CTNNA2: variants seen among roughly 807,000 people sequenced by gnomAD.
CTNNA2 encodes the protein catenin alpha-2.
In CTNNA2, 42 loss-of-function variants were observed where a neutral mutation model predicts 101.0. The ratio of observed to expected loss-of-function variants is 0.42; its 90% CI spans 0.32 to 0.54. The LOEUF is 0.54. Among genes scored for constraint, CTNNA2 ranks in the 20% least tolerant of loss-of-function variants. The probability of loss-of-function intolerance (pLI) is 0.14; values close to 1 mark genes in which losing one functional copy is unlikely to be tolerated. For missense variants in CTNNA2, 871 were observed against 1,223.1 expected, an observed-to-expected ratio of 0.71 and a Z score of 4.29; for synonymous variants, 450 against 456.4, an observed-to-expected ratio of 0.99 and a Z score of 0.18.
At chr2:79,715,759 TTGGACCGTCAGGA>T (rs1558866160) in intron 2 of CTNNA2, among the ~76,000 whole-genome samples, 2 of 152,118 alleles carry the variant, frequency 1.3e-5, no homozygotes, top group Non-Finnish European at 2.9e-5. Context: ...TATGGAGCCA[TTGGACCGTCAGGA>T]CCCATTGCTA....
At chr2:79,682,909 G>C (rs1683681726) in intron 2 of CTNNA2, among the ~76,000 whole-genome samples, 1 of 152,054 alleles carries the variant, frequency 6.6e-6, no homozygotes, top group African/African-American at 2.4e-5. Flanking sequence ...TTTCCTACTT[G>C]CAAAAATACA....
intron 4 of CTNNA2, among the ~76,000 whole-genome samples, chr2:79,472,421 C>T (rs919405770): frequency 1.3e-5 from 2 of 152,198 alleles, no homozygotes; most frequent in African/African-American, 2.4e-5. Context: ...AATGGTCCCA[C>T]CTTTCAAAAC....
chr2:79,361,764 G>A (rs1401055439), intron 3 of CTNNA2, among the ~76,000 whole-genome samples: 3 of 152,174 alleles, frequency 2.0e-5, no homozygotes, highest in African/African-American at 7.2e-5. Context: ...GGAGTCAGAT[G>A]TTCAAGGGCA....
At chr2:79,453,493 T>C (rs886623635) in intron 4 of CTNNA2, among the ~76,000 whole-genome samples, 11 of 152,120 alleles carry the variant, frequency 7.2e-5, no homozygotes, top group African/African-American at 2.7e-4. Context: ...GTGAATCCTC[T>C]GTAGTAGTAT....
intron 7 of CTNNA2, among the ~76,000 whole-genome samples, chr2:79,978,960 A>G (rs537528108): frequency 6.6e-6 from 1 of 152,302 alleles, no homozygotes; most frequent in African/African-American, 2.4e-5. Flanking sequence ...CATTTGCTCA[A>G]TGTCAAGACT....
intron 7 of CTNNA2, among the ~76,000 whole-genome samples, chr2:80,056,339 A>T (rs1387349325): frequency 1.3e-5 from 2 of 152,170 alleles, no homozygotes; most frequent in Non-Finnish European, 2.9e-5. Context: ...CACCAACCTA[A>T]TATTTAGCTG....
chr2:79,768,118 C>T (rs1272785951), intron 3 of CTNNA2, among the ~76,000 whole-genome samples: 1 of 151,742 alleles, frequency 6.6e-6, no homozygotes, highest in Non-Finnish European at 1.5e-5. Flanking sequence ...GGTCTACATG[C>T]TCCCTCTGTG....
intron 9 of CTNNA2, among the ~76,000 whole-genome samples, chr2:80,534,687 G>A (rs1690841652): frequency 6.6e-6 from 1 of 152,136 alleles, no homozygotes; most frequent in South Asian, 2.1e-4. Context: ...GAGAAGTCAA[G>A]AAGAAACAGT....
At chr2:79,479,300 C>T (rs1040010746) in intron 4 of CTNNA2, among the ~76,000 whole-genome samples, 1 of 152,174 alleles carries the variant, frequency 6.6e-6, no homozygotes, top group Non-Finnish European at 1.5e-5. Context: ...AGGACACCAG[C>T]ACCTTCCTCA....
chr2:80,426,386 C>G (rs1680995060), intron 9 of CTNNA2, among the ~76,000 whole-genome samples: 1 of 152,122 alleles, frequency 6.6e-6, no homozygotes. Context: ...GGCCTCTGAA[C>G]TTGTTTTATT....
In CTNNA2 at chr2:80,429,941, A is replaced by G. The variant is rs566798017; in HGVS notation, c.1290+10340A>G. On this transcript the variant is annotated intron_variant, in intron 9 of 18. Transcript: ENST00000402739. ...AATTAACTATGCACATAATGTAAATACTACCAGGTAACATTTCAATATTTA... is the reference window on the plus strand; with the variant it reads ...AATTAACTATGCACATAATGTAAATGCTACCAGGTAACATTTCAATATTTA... Among the ~76,000 whole-genome samples the G allele has an allele frequency of 9.8e-5, 15 of 152,368 alleles. No individual in the cohort carries two copies. In the South Asian group the frequency reaches 3.1e-3, roughly 32 times the overall value.
chr2:80,314,803 C>T (rs1274240254), intron 7 of CTNNA2, among the ~76,000 whole-genome samples: 11 of 152,208 alleles, frequency 7.2e-5, no homozygotes, highest in Admixed American at 7.2e-4. Context: ...ACCTTATATT[C>T]CTTCCTCAAA....
At chr2:79,197,124 C>T (rs933823574) in intron 1 of CTNNA2, among the ~76,000 whole-genome samples, 10 of 152,180 alleles carry the variant, frequency 6.6e-5, no homozygotes, top group African/African-American at 2.4e-4. Context: ...AATATTATCT[C>T]TTTTTCCTGT....
chr2:80,378,410 C>G (rs1490734618), intron 7 of CTNNA2, among the ~76,000 whole-genome samples: 1 of 147,700 alleles, frequency 6.8e-6, no homozygotes, highest in Non-Finnish European at 1.5e-5. Context: ...AAATAAATAA[C>G]AGAGAAGACA....
At chr2:79,765,923 G>A (rs941973014) in intron 3 of CTNNA2, among the ~76,000 whole-genome samples, 8 of 152,104 alleles carry the variant, frequency 5.3e-5, no homozygotes, top group Non-Finnish European at 8.8e-5. Flanking sequence ...ATTTGTGCAC[G>A]TTGTCAATGC....
chr2:79,188,286 G>T (rs1401187723), intron 1 of CTNNA2, among the ~76,000 whole-genome samples: 1 of 150,586 alleles, frequency 6.6e-6, no homozygotes, highest in Non-Finnish European at 1.5e-5. Context: ...TTTGTTGCTG[G>T]GCTGGACCAT....
chr2:79,625,109 A>G (rs1403842812), intron 1 of CTNNA2, among the ~76,000 whole-genome samples: 2 of 152,194 alleles, frequency 1.3e-5, no homozygotes, highest in Non-Finnish European at 1.5e-5. Flanking sequence ...AGATTTTTCC[A>G]TAATTTTTTG....
chr2:80,371,511 C>A (rs1245024170), intron 7 of CTNNA2, among the ~76,000 whole-genome samples: 3 of 149,966 alleles, frequency 2.0e-5, no homozygotes, highest in African/African-American at 7.3e-5. Context: ...CATACACACA[C>A]ACACACACAC....
chr2:80,615,212 A>AT lies in CTNNA2; in HGVS notation c.2431-3866dup, dbSNP rs1314691224. Among the ~76,000 whole-genome samples, 4 of 151,514 alleles carry AT rather than the reference A, an allele frequency of 2.6e-5. No individual in the cohort carries two copies. In the South Asian group the frequency reaches 6.2e-4, roughly 24 times the overall value. ...GAATCCATAGCAAAACTGAGTCAGG[A>AT]TTTTTTTATTCAGTACTGGATTTGA... On this transcript the variant is annotated intron_variant, in intron 17 of 18. Coordinates refer to ENST00000402739, the MANE Select transcript of CTNNA2 (RefSeq NM_001282597.3).
Sources: gnomAD v4.1 joint callset for allele counts (sites outside exome capture counted in the v4.1 genomes callset) on GRCh38, gnomAD v4.1.1 for gene constraint, MANE v1.5 for transcripts, NCBI Gene and HGNC (gene_info 2026-07-23, HGNC 2026-07-21) for gene names.